CEMIP: variants seen among roughly 807,000 people sequenced by gnomAD.
CEMIP encodes the protein cell migration-inducing and hyaluronan-binding protein.
CEMIP carries 105 observed loss-of-function variants against 156.9 expected under a neutral mutation model. The observed-to-expected ratio is 0.67, with a 90% CI of 0.57 to 0.79. The LOEUF (loss-of-function observed/expected upper bound fraction) is 0.79. Ranked by LOEUF, CEMIP falls within the 30% of genes least tolerant of loss-of-function variation. The pLI is 0.00. For synonymous variants in CEMIP, 676 were observed against 668.4 expected (o/e 1.01, Z -0.17); for missense variants, 1,457 against 1,769.4 (o/e 0.82, Z 3.17).
At chr15:80,811,739 T>C (rs1896676030) in intron 1 of CEMIP, among the ~76,000 whole-genome samples, 1 of 152,124 alleles carries the variant, frequency 6.6e-6, no homozygotes, top group South Asian at 2.1e-4. Context: ...TATGTCTTCG[T>C]AGAGATGGGG....
chr15:80,854,811 T>C (rs1445036523), intron 1 of CEMIP, among the ~76,000 whole-genome samples: 1 of 151,986 alleles, frequency 6.6e-6, no homozygotes, highest in Non-Finnish European at 1.5e-5. Context: ...ATCCACGAGA[T>C]AATGTTGTAA....
chr15:80,928,455 GA>G (rs1014414820), intron 19 of CEMIP, among the ~76,000 whole-genome samples: 1 of 152,110 alleles, frequency 6.6e-6, no homozygotes, highest in African/African-American at 2.4e-5. Flanking sequence ...CTCTATGGCT[GA>G]AACAGCAGTG....
At chr15:80,934,623 T>C (rs1022851438) in intron 23 of CEMIP, among the ~76,000 whole-genome samples, 1 of 151,942 alleles carries the variant, frequency 6.6e-6, no homozygotes, top group Admixed American at 6.6e-5. Context: ...CCACCGTGGG[T>C]GTCAGGAATT....
At position 80,936,685 on chromosome 15, in the gene CEMIP, A is replaced by G. The variant is rs778302686; in HGVS notation, c.3021A>G (p.Gln1007=). 6 of 1,613,910 alleles carry G rather than the reference A, an allele frequency of 3.7e-6. No homozygotes were observed. The Admixed American group carries it at 8.3e-5, about 22-fold the overall frequency. Residue 1007 remains glutamine (Q), a synonymous_variant, in exon 24 of 30, where the codon CAA becomes CAG. Coordinates refer to ENST00000394685, the MANE Select transcript of CEMIP (RefSeq NM_001293298.2). ...CSGCYAQMYI[Q]AYKTSNLRMK... ...TTGGGTTTTAAAAGATGTACATTCA[A>G]GCCTACAAGACCAGTAACCTGCGAA...
Position 80,878,749 on chromosome 15 carries a change from T to A in CEMIP, c.123T>A (p.Pro41=). Reference sequence around the variant, plus strand: ...CTGCTGGGTGCCCTGACCAGAGCCCTGAGTTGCAACCCTGGAACCCTGGCC... The same window carrying A: ...CTGCTGGGTGCCCTGACCAGAGCCCAGAGTTGCAACCCTGGAACCCTGGCC... ...TVAAGCPDQS[P]ELQPWNPGHD... The change falls in exon 4 of 30, where the codon CCT becomes CCA. Residue 41 remains proline (P), a synonymous_variant. Coordinates refer to ENST00000394685, the MANE Select transcript of CEMIP (RefSeq NM_001293298.2). 6.2e-7 allele frequency: 1 copy of A among 1,614,170 alleles called. No individual in the cohort carries two copies.
chr15:80,878,040 C>G (rs1898529724), intron 3 of CEMIP, among the ~76,000 whole-genome samples: 1 of 152,144 alleles, frequency 6.6e-6, no homozygotes, highest in African/African-American at 2.4e-5. Flanking sequence ...AGCCTCATGC[C>G]CCACTGGAGC....
intron 12 of CEMIP, among the ~76,000 whole-genome samples, chr15:80,899,212 C>CAAAAAA (rs761899088): frequency 2.2e-4 from 28 of 129,718 alleles, no homozygotes; most frequent in African/African-American, 9.0e-4. Flanking sequence ...TACTCTGTCT[C>CAAAAAA]AAAAAAAAAA....
intron 6 of CEMIP, among the ~76,000 whole-genome samples, chr15:80,881,849 G>A (rs1416971153): frequency 6.6e-6 from 1 of 152,206 alleles, no homozygotes; most frequent in Non-Finnish European, 1.5e-5. Context: ...CTGTGGTCTA[G>A]GCAAGACATG....
At chr15:80,917,187 A>G (rs1409472677) in intron 14 of CEMIP, among the ~76,000 whole-genome samples, 1 of 152,190 alleles carries the variant, frequency 6.6e-6, no homozygotes, top group African/African-American at 2.4e-5. Context: ...TAGAATAGGA[A>G]TATACCTAAC....
rs371878036 is a variant in CEMIP, at chr15:80,925,754, C to A, written c.2419C>A (p.Arg807=). 1 of 1,612,258 alleles carries A rather than the reference C, an allele frequency of 6.2e-7. No homozygotes were observed. The highest frequency in any genetic ancestry group is 1.1e-5 in the South Asian group (1 of 91,044). Residue 807 remains arginine (R), a splice_region_variant and synonymous_variant, in exon 19 of 30, where the codon CGG becomes AGG. Transcript: ENST00000394685. ...CGGGGATGTGTGGCTGGACAGCTGC[C>A]GGTGAGTCAGAGCGGCGTGTGGCTT... ...RGGDVWLDSC[R]FADNGIGLTL...
rs1899467162 is a variant in CEMIP, at chr15:80,900,638, G to GTGTGTCTGTGTC, written c.1411+4583_1411+4584insCTGTGTCTGTGT. ...TGTGTGTGTGTGTGTGTGTGTGTGTGTGTGTGTGTGTCTGTGTGTGTGTCT... is the reference window on the plus strand; with the variant it reads ...TGTGTGTGTGTGTGTGTGTGTGTGTGTGTGTCTGTGTCTGTGTGTGTGTCTGTGTGTGTGTCT... On this transcript the variant is annotated intron_variant, in intron 12 of 29. Coordinates refer to ENST00000394685, the MANE Select transcript of CEMIP (RefSeq NM_001293298.2). Among the ~76,000 whole-genome samples, 5 of 101,964 alleles carry GTGTGTCTGTGTC rather than the reference G, an allele frequency of 4.9e-5. No individual in the cohort carries two copies. In the East Asian group the frequency reaches 1.2e-3, roughly 24 times the overall value. The allele number at this position is 101,964 out of a possible 152,430, so 66.9% of individuals were successfully genotyped here.
chr15:80,786,917 C>T (rs1217285781), intron 1 of CEMIP, among the ~76,000 whole-genome samples: 1 of 152,176 alleles, frequency 6.6e-6, no homozygotes, highest in African/African-American at 2.4e-5. Flanking sequence ...CAAGGTCTAT[C>T]CAGGAACTTG....
At chr15:80,917,420 G>A (rs926091440) in intron 14 of CEMIP, among the ~76,000 whole-genome samples, 1 of 152,136 alleles carries the variant, frequency 6.6e-6, no homozygotes, top group African/African-American at 2.4e-5. Flanking sequence ...CTGTAAAGTT[G>A]GAGGCATTAA....
intron 1 of CEMIP, among the ~76,000 whole-genome samples, chr15:80,856,964 C>T (rs558139731): frequency 3.3e-5 from 5 of 152,264 alleles, no homozygotes; most frequent in African/African-American, 1.2e-4. Context: ...CGTTAGAACC[C>T]CACCTGCCAG....
chr15:80,918,647 G>A (rs1251688451), intron 14 of CEMIP, among the ~76,000 whole-genome samples: 1 of 152,186 alleles, frequency 6.6e-6, no homozygotes, highest in African/African-American at 2.4e-5. Flanking sequence ...TCCCTTGGTG[G>A]ATGACATCAT....
chr15:80,781,103 G>A (rs1430123567), intron 1 of CEMIP, among the ~76,000 whole-genome samples: 3 of 152,190 alleles, frequency 2.0e-5, no homozygotes, highest in Non-Finnish European at 4.4e-5. Context: ...TCCGACCCAG[G>A]CAGTGAGATA....
intron 19 of CEMIP, among the ~76,000 whole-genome samples, chr15:80,927,580 C>T (rs73507405): frequency 0.052 from 7,981 of 152,232 alleles, 689 homozygotes; most frequent in African/African-American, 0.18. Context: ...AGAAAAATTG[C>T]GAAGACCCCT....
At chr15:80,940,484 C>A (rs888882674) in intron 25 of CEMIP, among the ~76,000 whole-genome samples, 1 of 152,222 alleles carries the variant, frequency 6.6e-6, no homozygotes, top group Non-Finnish European at 1.5e-5. Flanking sequence ...CACTGAACTG[C>A]CTTCCTCCTA....
rs1237078003 is a variant in CEMIP, at chr15:80,873,619, G to C, written c.-94G>C. 1 of 500,770 alleles carries C rather than the reference G, an allele frequency of 2.0e-6. No homozygotes were observed. Among genetic ancestry groups the C allele is most frequent in the Non-Finnish European group, 3.7e-6 (1 of 272,800 alleles). The allele number at this position is 500,770 out of a possible 1,614,324, so 31.0% of individuals were successfully genotyped here. A position where few individuals can be genotyped will look rare whatever the true frequency, so the allele number is the denominator to read the frequency against. ...CCATCACTCGGTCTCTGAGCTGCAG[G>C]ACACAGGCAGGACAACGGTAGGATT... On this transcript the variant is annotated 5_prime_UTR_variant, in exon 2 of 30. Transcript: ENST00000394685.
Sources: allele counts gnomAD v4.1 joint callset (sites outside exome capture counted in the v4.1 genomes callset), GRCh38; gene constraint gnomAD v4.1.1; transcripts MANE v1.5; gene names NCBI Gene and HGNC (gene_info 2026-07-23, HGNC 2026-07-21).